TMEM132C: variants seen among roughly 807,000 people sequenced by gnomAD.
TMEM132C encodes protein phosphatase 1, regulatory subunit 152.
A neutral mutation model predicts 61.4 loss-of-function variants in TMEM132C; 29 were observed. The observed-to-expected ratio is 0.47, with a 90% CI of 0.35 to 0.64. TMEM132C has a LOEUF of 0.64. TMEM132C is among the 30% of genes least tolerant of loss of function. TMEM132C has a pLI of 0.00. For synonymous variants in TMEM132C, 656 were observed against 633.1 expected, an observed-to-expected ratio of 1.04 and a Z score of -0.54; for missense variants, 1,408 against 1,476.9, an observed-to-expected ratio of 0.95 and a Z score of 0.76.
chr12:128,347,288 G>A (rs1480262763), intron 1 of TMEM132C, among the ~76,000 whole-genome samples: 1 of 151,970 alleles, frequency 6.6e-6, no homozygotes, highest in Non-Finnish European at 1.5e-5. Context: ...AGTATTCCAT[G>A]GTGTGTATAT....
intron 1 of TMEM132C, among the ~76,000 whole-genome samples, chr12:128,325,053 G>A (rs1284383088): frequency 6.6e-6 from 1 of 152,178 alleles, no homozygotes; most frequent in Non-Finnish European, 1.5e-5. Context: ...TCCTGAGCTA[G>A]AGGGGAGGAG....
intron 5 of TMEM132C, among the ~76,000 whole-genome samples, chr12:128,672,091 T>C (rs1954537883): frequency 6.6e-6 from 1 of 152,192 alleles, no homozygotes. Flanking sequence ...TTACCATTTC[T>C]ACATGTAGTC....
At chr12:128,299,339 G>A (rs1021827489) in intron 1 of TMEM132C, among the ~76,000 whole-genome samples, 7 of 152,170 alleles carry the variant, frequency 4.6e-5, no homozygotes, top group African/African-American at 1.4e-4. Flanking sequence ...TGATCCCTGG[G>A]TGGTTAATGT....
At chr12:128,552,557 G>A (rs1874208675) in intron 3 of TMEM132C, among the ~76,000 whole-genome samples, 1 of 152,148 alleles carries the variant, frequency 6.6e-6, no homozygotes, top group African/African-American at 2.4e-5. Flanking sequence ...CAAATAAATG[G>A]AGAAAATGCC....
At chr12:128,541,006 T>TCTGC (rs1873723347) in intron 2 of TMEM132C, among the ~76,000 whole-genome samples, 1 of 124,816 alleles carries the variant, frequency 8.0e-6, no homozygotes. Context: ...TGTCTGTCTG[T>TCTGC]CTATCTTTCT....
At chr12:128,381,628 G>A (rs559091167) in intron 1 of TMEM132C, among the ~76,000 whole-genome samples, 62 of 152,266 alleles carry the variant, frequency 4.1e-4, no homozygotes, top group African/African-American at 1.4e-3. Context: ...TGCGGGAATC[G>A]CTGCTCTGAA....
chr12:128,558,301 C>T (rs764333833), intron 3 of TMEM132C, among the ~76,000 whole-genome samples: 22 of 152,144 alleles, frequency 1.4e-4, no homozygotes, highest in Non-Finnish European at 2.4e-4. Flanking sequence ...ATTGTAGCTC[C>T]CATAATCCCC....
chr12:128,445,047 A>G (rs560511625), intron 2 of TMEM132C, among the ~76,000 whole-genome samples: 1 of 152,328 alleles, frequency 6.6e-6, no homozygotes, highest in Non-Finnish European at 1.5e-5. Flanking sequence ...AAAATAAAAA[A>G]CAATTAAGAG....
intron 3 of TMEM132C, among the ~76,000 whole-genome samples, chr12:128,590,560 C>T (rs1390288060): frequency 6.6e-6 from 1 of 152,154 alleles, no homozygotes; most frequent in Non-Finnish European, 1.5e-5. Flanking sequence ...CCCACTGCCA[C>T]CCGATTCCTC....
intron 3 of TMEM132C, among the ~76,000 whole-genome samples, chr12:128,544,618 A>G (rs1336795244): frequency 6.9e-6 from 1 of 145,670 alleles, no homozygotes; most frequent in Non-Finnish European, 1.5e-5. Context: ...GACTCATTTT[A>G]GAATATGAGG....
At chr12:128,674,867 T>C (rs892796650) in intron 5 of TMEM132C, among the ~76,000 whole-genome samples, 2 of 151,348 alleles carry the variant, frequency 1.3e-5, no homozygotes, top group Non-Finnish European at 2.9e-5. Flanking sequence ...GTCCATTGTA[T>C]CATTCTAATG....
At chr12:128,621,175 C>T (rs1953959865) in intron 4 of TMEM132C, among the ~76,000 whole-genome samples, 1 of 152,090 alleles carries the variant, frequency 6.6e-6, no homozygotes, top group South Asian at 2.1e-4. Flanking sequence ...TTCTGGAGGG[C>T]TTTAACCAGT....
chr12:128,514,789 G>A (rs931389949), intron 2 of TMEM132C, among the ~76,000 whole-genome samples: 1 of 152,164 alleles, frequency 6.6e-6, no homozygotes, highest in African/African-American at 2.4e-5. Flanking sequence ...TATTTACTGA[G>A]CTGTCTTAGG....
At chr12:128,334,887 T>C (rs563077074) in intron 1 of TMEM132C, among the ~76,000 whole-genome samples, 2 of 152,338 alleles carry the variant, frequency 1.3e-5, no homozygotes, top group Non-Finnish European at 2.9e-5. Context: ...TGAGCCACCA[T>C]GCCCAGCCCT....
chr12:128,549,194 G>C (rs1874067184), intron 3 of TMEM132C, among the ~76,000 whole-genome samples: 2 of 152,144 alleles, frequency 1.3e-5, no homozygotes, highest in Non-Finnish European at 2.9e-5. Flanking sequence ...CCTGGGCCCA[G>C]GCTGAAGGGG....
At chr12:128,513,826 G>C (rs756700915) in intron 2 of TMEM132C, among the ~76,000 whole-genome samples, 49 of 152,120 alleles carry the variant, frequency 3.2e-4, no homozygotes, top group Non-Finnish European at 6.3e-4. Flanking sequence ...CGATCAGCAG[G>C]GTATGGTCCA....
At chr12:128,642,977 TG>T (rs1954168849) in intron 4 of TMEM132C, among the ~76,000 whole-genome samples, 1 of 152,096 alleles carries the variant, frequency 6.6e-6, no homozygotes, top group African/African-American at 2.4e-5. Context: ...GGGCAGGAAA[TG>T]TTTGTGTCTT....
At chr12:128,304,298 G>A (rs958408315) in intron 1 of TMEM132C, among the ~76,000 whole-genome samples, 4 of 152,192 alleles carry the variant, frequency 2.6e-5, no homozygotes, top group Non-Finnish European at 4.4e-5. Context: ...GTGTGTGTGC[G>A]TGTAAGTGCA....
chr12:128,676,222 C>A (rs375673294), intron 5 of TMEM132C, among the ~76,000 whole-genome samples: 1 of 152,108 alleles, frequency 6.6e-6, no homozygotes, highest in African/African-American at 2.4e-5. Flanking sequence ...TGTCTTTTAA[C>A]GCACAGAATA....
Sources: gnomAD v4.1 joint callset for allele counts (sites outside exome capture counted in the v4.1 genomes callset) on GRCh38, gnomAD v4.1.1 for gene constraint, MANE v1.5 for transcripts, NCBI Gene and HGNC (gene_info 2026-07-23, HGNC 2026-07-21) for gene names.